CPVL: variants seen among roughly 807,000 people sequenced by gnomAD.
CPVL encodes carboxypeptidase vitellogenic like.
Under a neutral mutation model 63.7 loss-of-function variants are expected in CPVL, and 51 were observed. The ratio of observed to expected loss-of-function variants is 0.80; its 90% CI spans 0.64 to 1.01. The LOEUF (loss-of-function observed/expected upper bound fraction) is 1.01, where lower values mean the gene tolerates loss of function less well. CPVL is among the 50% of genes least tolerant of loss of function. The pLI, the probability that CPVL is intolerant of heterozygous loss-of-function variation, is 0.00. For synonymous variants in CPVL, 195 were observed against 206.0 expected (o/e 0.95, Z 0.46); for missense variants, 530 against 573.1 (o/e 0.92, Z 0.77).
chr7:29,157,088 AATGAAAAGGCTTG>A (rs1794481943), intron 5 of CPVL, among the ~76,000 whole-genome samples: 1 of 152,188 alleles, frequency 6.6e-6, no homozygotes. Context: ...ATTGTAGGGA[AATGAAAAGGCTTG>A]ATGATTGCTG....
chr7:29,177,560 C>CTT (rs200237886), intron 5 of CPVL, among the ~76,000 whole-genome samples: 89 of 146,798 alleles, frequency 6.1e-4, no homozygotes, highest in Non-Finnish European at 1.0e-3. Context: ...GGCCCCCTCA[C>CTT]TTTTTTTTTT....
intron 11 of CPVL, among the ~76,000 whole-genome samples, chr7:29,042,835 C>T (rs1193201640): frequency 6.6e-6 from 1 of 152,180 alleles, no homozygotes; most frequent in East Asian, 1.9e-4. Flanking sequence ...AAAGCATTAA[C>T]CTAGAGATGC....
chr7:29,086,793 A>G (rs958602419), intron 6 of CPVL, among the ~76,000 whole-genome samples: 15 of 152,238 alleles, frequency 9.9e-5, no homozygotes, highest in Admixed American at 7.9e-4. Flanking sequence ...TTACTGATAT[A>G]CCAGTTTGGA....
At chr7:29,115,774 G>T (rs1788721396) in intron 2 of CPVL, among the ~76,000 whole-genome samples, 1 of 151,998 alleles carries the variant, frequency 6.6e-6, no homozygotes, top group Non-Finnish European at 1.5e-5. Flanking sequence ...AAAGTATAAT[G>T]AGAAAAAGAG....
intron 5 of CPVL, among the ~76,000 whole-genome samples, chr7:29,159,621 G>A (rs1044452413): frequency 3.3e-5 from 5 of 152,064 alleles, no homozygotes; most frequent in East Asian, 1.9e-4. Context: ...CTCCTTCCCC[G>A]CTTCGTGCAG....
At chr7:29,180,086 G>C (rs1443017922) in intron 5 of CPVL, among the ~76,000 whole-genome samples, 1 of 152,102 alleles carries the variant, frequency 6.6e-6, no homozygotes, top group African/African-American at 2.4e-5. Flanking sequence ...CACATATTAT[G>C]CTTACATGTG....
At chr7:29,194,807 G>A (rs1380171705) in intron 1 of CPVL, 17 of 679,744 alleles carry the variant, frequency 2.5e-5, no homozygotes, top group Admixed American at 4.4e-5. Flanking sequence ...GAGTCCGGAG[G>A]CTGGTGCTTT....
At chr7:29,015,750 A>T (rs1786343034) in intron 12 of CPVL, among the ~76,000 whole-genome samples, 2 of 151,978 alleles carry the variant, frequency 1.3e-5, no homozygotes, top group South Asian at 4.2e-4. Context: ...TCCCCACTGC[A>T]CTCCCCTCAC....
chr7:29,121,029 C>T lies in CPVL; in HGVS notation c.33G>A (p.Ser11=), dbSNP rs35299449. The T allele has an allele frequency of 8.7e-6, 14 of 1,607,990 alleles. No individual in the cohort carries two copies. The highest frequency in any genetic ancestry group is 3.3e-5 in the South Asian group (3 of 89,624). ...AGGGGCCAGGCATCAACAGGACCAG[C>T]GAAACAATCACCTTCCACATGGCAC... MVGAMWKVIV[S]LVLLMPGPCD... Residue 11 remains serine (S), a synonymous_variant, in exon 2 of 13, where the codon TCG becomes TCA. Coordinates refer to ENST00000265394, the MANE Select transcript of CPVL (RefSeq NM_031311.5).
At chr7:29,017,613 A>C (rs950916105) in intron 12 of CPVL, among the ~76,000 whole-genome samples, 28 of 152,234 alleles carry the variant, frequency 1.8e-4, no homozygotes, top group African/African-American at 6.0e-4. Context: ...AGCCTGGGCA[A>C]CACAGCAGGA....
intron 11 of CPVL, among the ~76,000 whole-genome samples, chr7:29,037,061 T>G (rs181599363): frequency 6.6e-6 from 1 of 152,334 alleles, no homozygotes; most frequent in Admixed American, 6.5e-5. Context: ...AGGTGCTTTA[T>G]TCTATATTTG....
chr7:29,019,510 C>T (rs1434664679), intron 12 of CPVL, among the ~76,000 whole-genome samples: 1 of 152,158 alleles, frequency 6.6e-6, no homozygotes, highest in Non-Finnish European at 1.5e-5. Context: ...GGAGAGCTGT[C>T]ATTTCTTTAA....
intron 11 of CPVL, among the ~76,000 whole-genome samples, chr7:29,051,245 A>G (rs886142675): frequency 1.3e-5 from 2 of 152,256 alleles, no homozygotes; most frequent in Non-Finnish European, 2.9e-5. Context: ...ACAAAGATTA[A>G]TAGCTGGGAC....
upstream of CPVL, chr7:29,195,292 T>G: frequency 2.9e-6 from 1 of 345,344 alleles, no homozygotes; most frequent in East Asian, 5.0e-5. Flanking sequence ...GGCTCGCACT[T>G]TCTGGCGCAG....
chr7:29,099,375 A>C (rs887179248), intron 3 of CPVL, among the ~76,000 whole-genome samples: 1 of 152,198 alleles, frequency 6.6e-6, no homozygotes, highest in Non-Finnish European at 1.5e-5. Flanking sequence ...CAAGTGTTCA[A>C]ATGTCTATGA....
chr7:29,164,114 C>A (rs1299524272), intron 5 of CPVL, among the ~76,000 whole-genome samples: 1 of 152,188 alleles, frequency 6.6e-6, no homozygotes, highest in African/African-American at 2.4e-5. Context: ...ATTTTCCATT[C>A]CCACCAGCAG....
intron 1 of CPVL, among the ~76,000 whole-genome samples, chr7:29,141,050 A>G (rs1405300597): frequency 1.3e-5 from 2 of 152,190 alleles, no homozygotes; most frequent in Admixed American, 6.5e-5. Flanking sequence ...GGGTGAAAAC[A>G]AGGCACAATC....
intron 1 of CPVL, 166 bp downstream of exon 1, chr7:29,146,263 C>T (rs1287498744): frequency 1.6e-5 from 4 of 247,240 alleles, no homozygotes; most frequent in African/African-American, 4.5e-5. Flanking sequence ...TGAACTTTGA[C>T]TCGGCCACGA....
chr7:29,143,294 T>A (rs1792098379), intron 1 of CPVL, among the ~76,000 whole-genome samples: 1 of 152,248 alleles, frequency 6.6e-6, no homozygotes, highest in African/African-American at 2.4e-5. Context: ...ACAGCTTTGC[T>A]GAGCAAACCT....
Sources: gnomAD v4.1 joint callset for allele counts (sites outside exome capture counted in the v4.1 genomes callset) on GRCh38, gnomAD v4.1.1 for gene constraint, MANE v1.5 for transcripts, NCBI Gene and HGNC (gene_info 2026-07-23, HGNC 2026-07-21) for gene names.